MAF: variants seen among roughly 807,000 people sequenced by gnomAD.
The protein encoded by MAF is MAF bZIP transcription factor, also known as transcription factor Maf.
In MAF, 10 loss-of-function variants were observed where a neutral mutation model predicts 22.0. The ratio of observed to expected loss-of-function variants is 0.45; its 90% CI spans 0.28 to 0.77. MAF has a LOEUF of 0.77. Ranked by LOEUF, MAF falls within the 30% of genes least tolerant of loss-of-function variation. The pLI is 0.12. For synonymous variants in MAF, 337 were observed against 255.8 expected (o/e 1.32, Z -3.03); for missense variants, 544 against 548.4 (o/e 0.99, Z 0.08).
the MAF span, among the ~76,000 whole-genome samples, chr16:79,527,952 G>T: frequency 1.3e-5 from 2 of 152,102 alleles, no homozygotes; most frequent in African/African-American, 4.8e-5. Flanking sequence ...GACCAGCCTG[G>T]CCAACATGGC....
the MAF span, chr16:79,211,641 G>T: frequency 2.5e-6 from 4 of 1,614,184 alleles, no homozygotes; most frequent in Non-Finnish European, 3.4e-6. Flanking sequence ...GTACTGTGCT[G>T]CTGTCCCAGA....
the MAF span, among the ~76,000 whole-genome samples, chr16:79,242,112 C>T: frequency 6.6e-5 from 10 of 152,066 alleles, no homozygotes; most frequent in Admixed American, 6.6e-4. Flanking sequence ...AGACCATTAA[C>T]ACTATGAAGA....
the MAF span, among the ~76,000 whole-genome samples, chr16:79,550,196 G>C: frequency 6.6e-6 from 1 of 152,118 alleles, no homozygotes; most frequent in Non-Finnish European, 1.5e-5. Flanking sequence ...ATGAATGGGT[G>C]ACCATTTACC....
At chr16:79,217,456 G>C in the MAF span, among the ~76,000 whole-genome samples, 1 of 152,308 alleles carries the variant, frequency 6.6e-6, no homozygotes, top group South Asian at 2.1e-4. Flanking sequence ...GAAATGTCCA[G>C]TATAAACCTT....
the MAF span, among the ~76,000 whole-genome samples, chr16:79,233,808 A>G: frequency 6.6e-6 from 1 of 151,954 alleles, no homozygotes. Context: ...CCTGACCAAC[A>G]TGGTGAAACC....
chr16:79,439,585 T>G, the MAF span, among the ~76,000 whole-genome samples: 1 of 152,146 alleles, frequency 6.6e-6, no homozygotes. Flanking sequence ...ATTAATCTCT[T>G]CTTGCTCTGG....
At chr16:79,389,836 C>A in the MAF span, among the ~76,000 whole-genome samples, 7 of 151,310 alleles carry the variant, frequency 4.6e-5, no homozygotes, top group African/African-American at 1.7e-4. Context: ...ATTAGCCAGG[C>A]GTGGTGGTGG....
the MAF span, among the ~76,000 whole-genome samples, chr16:79,399,114 C>T: frequency 3.3e-5 from 5 of 152,282 alleles, no homozygotes; most frequent in Non-Finnish European, 4.4e-5. Flanking sequence ...GGCAGTGCTC[C>T]GTGGGCGTTG....
chr16:79,496,547 A>G, the MAF span, among the ~76,000 whole-genome samples: 1 of 152,256 alleles, frequency 6.6e-6, no homozygotes, highest in Admixed American at 6.5e-5. Context: ...TCTTATTAAC[A>G]GAGCAGTTTC....
chr16:79,282,607 A>T, the MAF span, among the ~76,000 whole-genome samples: 2 of 152,108 alleles, frequency 1.3e-5, no homozygotes, highest in East Asian at 3.9e-4. Flanking sequence ...AATGAACTCA[A>T]CTCTCTTTAG....
the MAF span, chr16:79,203,874 A>G: frequency 2.0e-5 from 3 of 152,226 alleles, no homozygotes; most frequent in African/African-American, 7.2e-5. Context: ...CGAGCTAGCT[A>G]TAACCATAAC....
chr16:79,402,864 A>C, the MAF span, among the ~76,000 whole-genome samples: 7 of 152,126 alleles, frequency 4.6e-5, no homozygotes, highest in Non-Finnish European at 5.9e-5. Flanking sequence ...TAGAGGAGGG[A>C]AACGTCTCAA....
the MAF span, among the ~76,000 whole-genome samples, chr16:79,283,179 CGGATGAATGGATGGAT>C: frequency 1.3e-5 from 2 of 152,066 alleles, no homozygotes; most frequent in African/African-American, 2.4e-5. Context: ...GATAGATGGA[CGGATGAATGGATGGAT>C]GGATGAATGG....
chr16:79,295,666 C>A, the MAF span, among the ~76,000 whole-genome samples: 5 of 152,284 alleles, frequency 3.3e-5, no homozygotes, highest in East Asian at 9.6e-4. Flanking sequence ...GCAAATGAGC[C>A]CTAAGACATA....
chr16:79,363,353 C>G, the MAF span, among the ~76,000 whole-genome samples: 1 of 152,182 alleles, frequency 6.6e-6, no homozygotes, highest in Non-Finnish European at 1.5e-5. Context: ...ATTTAATACA[C>G]CTAACTTAGC....
At chr16:79,397,582 T>C in the MAF span, among the ~76,000 whole-genome samples, 1 of 152,244 alleles carries the variant, frequency 6.6e-6, no homozygotes, top group African/African-American at 2.4e-5. Flanking sequence ...TGTGTGATGA[T>C]GACCGGCTGG....
the MAF span, among the ~76,000 whole-genome samples, chr16:79,476,664 C>T: frequency 6.6e-6 from 1 of 152,098 alleles, no homozygotes; most frequent in Non-Finnish European, 1.5e-5. Context: ...CGAAAAGGAG[C>T]ATCTGGATAT....
the MAF span, among the ~76,000 whole-genome samples, chr16:79,474,779 C>A: frequency 6.6e-6 from 1 of 152,094 alleles, no homozygotes; most frequent in East Asian, 1.9e-4. Context: ...AAGAAGGGAC[C>A]ATCCCATGTC....
chr16:79,354,817 C>G, the MAF span, among the ~76,000 whole-genome samples: 1 of 152,062 alleles, frequency 6.6e-6, no homozygotes, highest in African/African-American at 2.4e-5. Flanking sequence ...TCAAAAGGAA[C>G]AAGAATTGAA....
Sources: allele counts gnomAD v4.1 joint callset (sites outside exome capture counted in the v4.1 genomes callset), GRCh38; gene constraint gnomAD v4.1.1; transcripts MANE v1.5; gene names NCBI Gene and HGNC (gene_info 2026-07-23, HGNC 2026-07-21).